NBPF15: variants seen among roughly 807,000 people sequenced by gnomAD.
NBPF15 encodes the protein NBPF family member NBPF15.
In NBPF15, 74 loss-of-function variants were observed where a neutral mutation model predicts 62.2. The observed-to-expected ratio is 1.19, with a 90% CI of 0.99 to 1.44. The LOEUF (loss-of-function observed/expected upper bound fraction) is 1.44, where lower values mean the gene tolerates loss of function less well. Among genes scored for constraint, NBPF15 ranks in the 40% most tolerant of loss-of-function variants. The pLI is 0.00. For synonymous variants in NBPF15, 244 were observed against 209.7 expected (o/e 1.16, Z -1.41); for missense variants, 790 against 550.0 (o/e 1.44, Z -4.36).
At chr1:144,424,583 T>A (rs1197760800) in intron 20 of NBPF15, 107 bp downstream of exon 20, 6 of 655,970 alleles carry the variant, frequency 9.1e-6, no homozygotes, top group Non-Finnish European at 5.4e-6. Context: ...AGGTCCTCAC[T>A]GCGGCAATGA....
At chr1:144,436,550 G>A (rs1315046204) in intron 10 of NBPF15, among the ~76,000 whole-genome samples, 7 of 151,984 alleles carry the variant, frequency 4.6e-5, no homozygotes, top group Admixed American at 6.6e-5. Context: ...GAACATTGCC[G>A]AAAAGACAGC....
chr1:144,427,099 C>G lies in NBPF15; in HGVS notation c.1214-1G>C. The G allele has an allele frequency of 1.8e-6, 1 of 570,884 alleles. No homozygotes were observed. The highest frequency in any genetic ancestry group is 3.0e-6 in the Non-Finnish European group (1 of 328,590). The allele number at this position is 570,884 out of a possible 1,614,324, so 35.4% of individuals were successfully genotyped here. On this transcript the variant is annotated splice_acceptor_variant, in intron 16 of 21. Coordinates refer to ENST00000581897, the MANE Select transcript of NBPF15 (RefSeq NM_001385408.1). LOFTEE classifies it high-confidence loss of function. Reference sequence around the variant, plus strand: ...TCCACTTCTTGGTACTTTTCAATTTCTGCAATAAGTTCAGACATGGACAGA... The same window carrying G: ...TCCACTTCTTGGTACTTTTCAATTTGTGCAATAAGTTCAGACATGGACAGA...
chr1:144,437,482 G>T lies in NBPF15; in HGVS notation c.279-373C>A, dbSNP rs587692272. ...GCCACTAGATACAAAGCCATGTACA[G>T]AAATGAGGCCAGGTGCAGATGGGGT... On this transcript the variant is annotated intron_variant, in intron 9 of 21. Coordinates refer to ENST00000581897, the MANE Select transcript of NBPF15 (RefSeq NM_001385408.1). Among the ~76,000 whole-genome samples the T allele has an allele frequency of 4.1e-5, 6 of 146,860 alleles. No homozygotes were observed. The South Asian group carries it at 1.2e-3, about 28-fold the overall frequency.
chr1:144,457,267 A>T (rs587765812), intron 3 of NBPF15, among the ~76,000 whole-genome samples: 1 of 152,204 alleles, frequency 6.6e-6, no homozygotes, highest in African/African-American at 2.4e-5. Context: ...CTGTTAGGGA[A>T]TTATGAGTGT....
intron 6 of NBPF15, among the ~76,000 whole-genome samples, chr1:144,441,918 G>A (rs868981263): frequency 0.013 from 1,951 of 148,060 alleles, 49 homozygotes; most frequent in African/African-American, 0.047. Flanking sequence ...ATTTAGAAGC[G>A]GCGGTGCGAG....
Position 144,423,092 on chromosome 1 carries a change from T to C in NBPF15, c.1934A>G (p.Tyr645Cys). 6.2e-7 allele frequency: 1 copy of C among 1,611,614 alleles called. No individual in the cohort carries two copies. The highest frequency in any genetic ancestry group is 2.2e-5 in the East Asian group (1 of 44,868). ...FEEEHISFALYVDNRFFTLTV... is the reference protein window; with the variant it reads ...FEEEHISFALCVDNRFFTLTV... Reference sequence around the variant, plus strand: ...CAAAGTAAAAAACCTATTGTCCACGTAAAGGGCGAAGCTGATATGCTCTTC... The same window carrying C: ...CAAAGTAAAAAACCTATTGTCCACGCAAAGGGCGAAGCTGATATGCTCTTC... The change falls in exon 22 of 22, where the codon TAC becomes TGC. Residue 645 changes from tyrosine (Y) to cysteine (C), a missense_variant. By Grantham distance (194) the Tyr-to-Cys change is radical. Transcript: ENST00000581897.
chr1:144,460,537 G>A (rs79803209), intron 2 of NBPF15, among the ~76,000 whole-genome samples: 10 of 151,160 alleles, frequency 6.6e-5, no homozygotes, highest in East Asian at 5.9e-4. Context: ...TCAGAACAAA[G>A]ACTAAACACT....
Position 144,435,213 on chromosome 1 carries a change from G to T in NBPF15, c.670C>A (p.His224Asn), listed in dbSNP as rs1308758333. The T allele has an allele frequency of 3.4e-5, 55 of 1,613,084 alleles. No homozygotes were observed. The African/African-American group carries it at 5.7e-4, about 17-fold the overall frequency. ...SHGPYDSNQP[H>N]KKTKITFEED... is the part of the protein sequence containing the mutation. ...TCAAATGTGATTTTGGTTTTCTTAT[G>T]TGGCTGGTTGGAGTCATAAGGGCCA... The change falls in exon 12 of 22, where the codon CAT becomes AAT. Residue 224 changes from histidine to asparagine, a missense_variant. Transcript: ENST00000581897.
intron 3 of NBPF15, among the ~76,000 whole-genome samples, chr1:144,457,356 G>C (rs79783518): frequency 6.6e-6 from 1 of 151,926 alleles, no homozygotes; most frequent in Non-Finnish European, 1.5e-5. Flanking sequence ...TCTACAGGCT[G>C]TCTCGCTGAG....
At chr1:144,436,556 A>G (rs1326390626) in intron 10 of NBPF15, among the ~76,000 whole-genome samples, 1 of 152,026 alleles carries the variant, frequency 6.6e-6, no homozygotes, top group Non-Finnish European at 1.5e-5. Context: ...TGCCGAAAAG[A>G]CAGCCTGGGA....
At chr1:144,432,456 C>T (rs1328061612) in intron 13 of NBPF15, among the ~76,000 whole-genome samples, 3 of 151,946 alleles carry the variant, frequency 2.0e-5, no homozygotes, top group African/African-American at 7.3e-5. Context: ...TCACACATAA[C>T]AATATTAACC....
chr1:144,423,182 G>A lies in NBPF15; in HGVS notation c.1844C>T (p.Pro615Leu), dbSNP rs6695216. ...GTCAGGTTGTTCAAAGTACATTGAC[G>A]GAGTCGAATAACATCTATCCAGTGA... ...QDSLDRCYSTPSMYFEQPDSF... is the reference protein window; with the variant it reads ...QDSLDRCYSTLSMYFEQPDSF... Residue 615 changes from proline to leucine, a missense_variant, in exon 22 of 22, where the codon CCG (proline) becomes CTG (leucine). By Grantham distance (98) the Pro-to-Leu change is moderately conservative (BLOSUM62 -3). Coordinates refer to ENST00000581897, the MANE Select transcript of NBPF15 (RefSeq NM_001385408.1). The A allele has an allele frequency of 1.9e-4, 312 of 1,611,388 alleles. 7 individuals are homozygous for A. The highest frequency in any genetic ancestry group is 1.8e-3 in the South Asian group (166 of 90,952).
At chr1:144,432,294 A>G (rs1674933078) in intron 13 of NBPF15, among the ~76,000 whole-genome samples, 1 of 151,642 alleles carries the variant, frequency 6.6e-6, no homozygotes, top group South Asian at 2.1e-4. Context: ...GCCTTACAAG[A>G]GCTCCTAAAG....
chr1:144,445,805 T>C (rs1209227882), intron 6 of NBPF15, among the ~76,000 whole-genome samples: 2 of 151,096 alleles, frequency 1.3e-5, no homozygotes, highest in African/African-American at 4.9e-5. Context: ...CAAAGCAATT[T>C]TTTGTAGTTT....
At position 144,437,248 on chromosome 1, in the gene NBPF15, G is replaced by C. The variant is rs1226691141; in HGVS notation, c.279-139C>G. On this transcript the variant is annotated intron_variant, in intron 9 of 21. Coordinates refer to ENST00000581897, the MANE Select transcript of NBPF15 (RefSeq NM_001385408.1). ...TCAGCACATGTTTAAAGGAATGTCT[G>C]TGGCCAAGAGAAAGAATAGAAAATG... The C allele has an allele frequency of 8.0e-6, 7 of 873,910 alleles. No homozygotes were observed. The East Asian group carries it at 1.7e-4, about 21-fold the overall frequency. The allele number at this position is 873,910 out of a possible 1,614,324, so 54.1% of individuals were successfully genotyped here.
chr1:144,423,370 C>G, intron 21 of NBPF15, 114 bp from the exon 22 acceptor site: 1 of 1,587,730 alleles, frequency 6.3e-7, no homozygotes, highest in Admixed American at 1.8e-5. Flanking sequence ...AGGATAGATT[C>G]ATTAATGAGG....
In NBPF15 at chr1:144,439,962, C is replaced by A; in HGVS notation, c.42G>T (p.Glu14Asp). ...TCTCATTGATTTCTAGAATGTTCAT[C>A]TCTGCCTTCTCGCTGGACAAAGGGC... Reference protein sequence around the residue: ...SAGPLSSEKAEMNILEINEKL... With the variant: ...SAGPLSSEKADMNILEINEKL... Residue 14 changes from glutamate (E) to aspartate (D), a missense_variant, in exon 8 of 22, where the codon GAG (glutamate) becomes GAT (aspartate). Transcript: ENST00000581897. 1 of 1,610,710 alleles carries A rather than the reference C, an allele frequency of 6.2e-7. No individual in the cohort carries two copies. Among genetic ancestry groups the A allele is most frequent in the South Asian group, 1.1e-5 (1 of 90,960 alleles).
chr1:144,437,252 C>T (rs1349065088), intron 9 of NBPF15, 143 bp from the exon 10 acceptor site: 2 of 860,470 alleles, frequency 2.3e-6, no homozygotes, highest in East Asian at 4.9e-5. Flanking sequence ...ATGTCTGTGG[C>T]CAAGAGAAAG....
At chr1:144,461,153 C>T (rs1379414993) in intron 1 of NBPF15, among the ~76,000 whole-genome samples, 192 bp from the exon 2 acceptor site, 2 of 151,860 alleles carry the variant, frequency 1.3e-5, no homozygotes, top group Non-Finnish European at 2.9e-5. Context: ...TCCCTCCACC[C>T]CCTGAGATGC....
Sources: allele counts gnomAD v4.1 joint callset (sites outside exome capture counted in the v4.1 genomes callset), GRCh38; gene constraint gnomAD v4.1.1; transcripts MANE v1.5; gene names NCBI Gene and HGNC (gene_info 2026-07-23, HGNC 2026-07-21).